The following MCM6 variants were observed in gnomAD, a reference collection of about 807,000 sequenced individuals.
MCM6 encodes minichromosome maintenance complex component 6.
A neutral mutation model predicts 94.3 loss-of-function variants in MCM6; 46 were observed. The ratio of observed to expected loss-of-function variants is 0.49; its 90% CI spans 0.39 to 0.62. MCM6 has a LOEUF of 0.62. Ranked by LOEUF, MCM6 falls within the 20% of genes least tolerant of loss-of-function variation. MCM6 has a pLI of 0.00. For synonymous variants in MCM6, 335 were observed against 351.9 expected (o/e 0.95, Z 0.54); for missense variants, 865 against 1,017.9 (o/e 0.85, Z 2.04).
rs1679945922 is a variant in MCM6 at position 135,859,326 on chromosome 2, G to C, written c.1337C>G (p.Ala446Gly). 1.2e-6 allele frequency: 2 copies of C among 1,613,726 alleles called. No individual in the cohort carries two copies. Among genetic ancestry groups the C allele is most frequent in the East Asian group, 4.5e-5 (2 of 44,872 alleles). ...DEESHEFVIE[A>G]GALMLADNGV... is the part of the protein sequence containing the mutation. ...ATTATCAGCCAACATCAAAGCTCCAGCCTCAATGACAAACTCATGAGATTC... is the reference window on the plus strand; with the variant it reads ...ATTATCAGCCAACATCAAAGCTCCACCCTCAATGACAAACTCATGAGATTC... Residue 446 changes from alanine to glycine, a missense_variant, in exon 9 of 17, where the codon GCT (alanine) becomes GGT (glycine). This residue lies in a region of MCM6 where 153 missense variants were observed against 241.5 expected (regional missense o/e 0.63). Transcript: ENST00000264156.
Position 135,840,116 on chromosome 2 carries a change from T to TA in MCM6, c.*718dup, listed in dbSNP as rs1319870656. 4.0e-5 allele frequency: 6 copies of TA among 150,484 alleles called. No individual in the cohort carries two copies. Among genetic ancestry groups the TA allele is most frequent in the Non-Finnish European group, 8.8e-5 (6 of 67,804 alleles). 9.3% of individuals were successfully genotyped at this position (150,484 alleles called of 1,614,324 possible). A position where few individuals can be genotyped will look rare whatever the true frequency, so the allele number is the denominator to read the frequency against. On this transcript the variant is annotated 3_prime_UTR_variant, in exon 17 of 17. Coordinates refer to ENST00000264156, the MANE Select transcript of MCM6 (RefSeq NM_005915.6). ...AATATAGCAAATGACCTATTTCCCC[T>TA]AAAAAAGCAATTTGAAAACAATCCT...
At chr2:135,846,636 C>T (rs1189161429) in intron 14 of MCM6, among the ~76,000 whole-genome samples, 6 of 152,100 alleles carry the variant, frequency 3.9e-5, no homozygotes, top group African/African-American at 1.4e-4. Context: ...GCCACCACAT[C>T]CAGCCTTAAC....
chr2:135,865,013 C>A lies in MCM6; in HGVS notation c.1078G>T (p.Gly360Cys). 1.4e-6 allele frequency: 2 copies of A among 1,403,462 alleles called. No individual in the cohort carries two copies. The highest frequency in any genetic ancestry group is 2.0e-5 in the South Asian group (1 of 51,268). The allele number at this position is 1,403,462 out of a possible 1,614,324, so 86.9% of individuals were successfully genotyped here. ...TGGTACAAATGGATGGAATTCTTAC[C>A]ATGTATAGTAGGGAACAGGCTGGTA... ...LCTSLFPTIH[G>C]NDEVKRGVLL... The change falls in exon 7 of 17, where the codon GGC (glycine) becomes TGC (cysteine). Residue 360 changes from glycine (G) to cysteine (C), a missense_variant and splice_region_variant. Gly to Cys is a radical substitution (Grantham distance 159, BLOSUM62 -3). This residue lies in a region of MCM6 where 404 missense variants were observed against 451.9 expected (regional missense o/e 0.89). Transcript: ENST00000264156.
At position 135,851,398 on chromosome 2, in the gene MCM6, A is replaced by G. The variant is rs772793168; in HGVS notation, c.1917+4T>C. ...CTCTCATCATATCAAAGTGACTCTG[A>G]TACCTCATCACAGCAGTGCATCCGA... is the stretch of plus-strand genomic sequence containing the variant. On this transcript the variant is annotated splice_donor_region_variant and intron_variant, in intron 13 of 16. Coordinates refer to ENST00000264156, the MANE Select transcript of MCM6 (RefSeq NM_005915.6). The G allele has an allele frequency of 1.9e-5, 30 of 1,610,324 alleles. No individual in the cohort carries two copies. The South Asian group carries it at 3.0e-4, about 16-fold the overall frequency.
intron 7 of MCM6, among the ~76,000 whole-genome samples, chr2:135,864,639 T>A (rs772729136): frequency 4.6e-5 from 7 of 152,240 alleles, no homozygotes; most frequent in Admixed American, 6.5e-5. Context: ...AAATACATAA[T>A]AAAACTTATC....
chr2:135,862,867 C>T, intron 7 of MCM6, 119 bp from the exon 8 acceptor site: 1 of 1,021,422 alleles, frequency 9.8e-7, no homozygotes, highest in Non-Finnish European at 1.4e-6. Flanking sequence ...TAAAGCAAAG[C>T]ATAAAACTGG....
At chr2:135,865,281 G>T in intron 6 of MCM6, 118 bp from the exon 7 acceptor site, 3 of 648,098 alleles carry the variant, frequency 4.6e-6, no homozygotes, top group Non-Finnish European at 6.9e-6. Context: ...ACAATTTATT[G>T]ACTGTAAAGG....
chr2:135,856,313 C>T (rs1679892291), intron 11 of MCM6, among the ~76,000 whole-genome samples: 1 of 152,094 alleles, frequency 6.6e-6, no homozygotes, highest in African/African-American at 2.4e-5. Context: ...CATGGTGTTA[C>T]ATGCCTGTAA....
In MCM6 at chr2:135,858,778, G is replaced by A. The variant is rs548507405; in HGVS notation, c.1362+523C>T. Among the ~76,000 whole-genome samples the A allele has an allele frequency of 5.3e-5, 8 of 152,238 alleles. No individual in the cohort carries two copies. In the South Asian group the frequency reaches 1.0e-3, roughly 20 times the overall value. The stretch of plus-strand genomic sequence containing the variant: ...CCTATAACTTATATACACATCTACC[G>A]ATCTAAACTAGTAACAGCAAACACA... On this transcript the variant is annotated intron_variant, in intron 9 of 16. Coordinates refer to ENST00000264156, the MANE Select transcript of MCM6 (RefSeq NM_005915.6).
chr2:135,870,254 T>G lies in MCM6; in HGVS notation c.362A>C (p.His121Pro). Residue 121 changes from histidine to proline, a missense_variant, in exon 3 of 17, where the codon CAC becomes CCC. By Grantham distance (77) the His-to-Pro change is moderately conservative (BLOSUM62 -2). This residue lies in a region of MCM6 where 404 missense variants were observed against 451.9 expected (regional missense o/e 0.89). Coordinates refer to ENST00000264156, the MANE Select transcript of MCM6 (RefSeq NM_005915.6). ...YVAFQDLPTR[H>P]KIRELTSSRI... ...TTTCCAGAGAAGGGTTTCTTACTTG[T>G]GTCTGGTAGGCAGGTCTTGGAATGC... 1 of 1,609,266 alleles carries G rather than the reference T, an allele frequency of 6.2e-7. No homozygotes were observed. Among genetic ancestry groups the G allele is most frequent in the Non-Finnish European group, 8.5e-7 (1 of 1,175,538 alleles).
chr2:135,856,741 T>C lies in MCM6; in HGVS notation c.1613A>G (p.Asp538Gly). 3 of 1,613,998 alleles carry C rather than the reference T, an allele frequency of 1.9e-6. No homozygotes were observed. The highest frequency in any genetic ancestry group is 2.5e-6 in the Non-Finnish European group (3 of 1,179,990). Reference sequence around the variant, plus strand: ...TCATGGGGTTACCTCATTACATTCATCCACAAGGATAAAGAAGAGATCGAA... The same window carrying C: ...TCATGGGGTTACCTCATTACATTCACCCACAAGGATAAAGAAGAGATCGAA... The part of the protein sequence containing the change: ...SRFDLFFILV[D>G]ECNEVTDYAI... The change falls in exon 11 of 17, where the codon GAT becomes GGT. Residue 538 changes from aspartate (D) to glycine (G), a missense_variant. By Grantham distance (94) the Asp-to-Gly change is moderately conservative. Coordinates refer to ENST00000264156, the MANE Select transcript of MCM6 (RefSeq NM_005915.6).
rs1558758399 is a variant in MCM6, at chr2:135,856,752, A to G, written c.1602T>C (p.Phe534=). The G allele has an allele frequency of 3.1e-6, 5 of 1,614,176 alleles. No individual in the cohort carries two copies. The highest frequency in any genetic ancestry group is 1.1e-5 in the South Asian group (1 of 91,070). The change falls in exon 11 of 17, where the codon TTT becomes TTC. Residue 534 remains phenylalanine, a synonymous_variant. Coordinates refer to ENST00000264156, the MANE Select transcript of MCM6 (RefSeq NM_005915.6). ...CCTCATTACATTCATCCACAAGGAT[A>G]AAGAAGAGATCGAATCGGGACATGA... is the stretch of plus-strand genomic sequence containing the variant. ...APIMSRFDLF[F]ILVDECNEVT... is the part of the protein sequence containing the mutation.
intron 8 of MCM6, 42 bp downstream of exon 8, chr2:135,862,565 T>A: frequency 6.2e-7 from 1 of 1,611,324 alleles, no homozygotes; most frequent in East Asian, 2.2e-5. Flanking sequence ...CTGGGAACTA[T>A]GTACACTTTT....
intron 12 of MCM6, 83 bp from the exon 13 acceptor site, chr2:135,851,646 G>A (rs1436661617): frequency 1.3e-5 from 16 of 1,247,614 alleles, no homozygotes; most frequent in African/African-American, 1.5e-5. Flanking sequence ...AGCCTTCCAG[G>A]TGGAAACATT....
rs1680180096 is a variant in MCM6 at position 135,870,484 on chromosome 2, C to T, written c.255-123G>A. 7 of 653,606 alleles carry T rather than the reference C, an allele frequency of 1.1e-5. No homozygotes were observed. In the South Asian group the frequency reaches 1.3e-4, roughly 12 times the overall value. 40.5% of individuals were successfully genotyped at this position (653,606 alleles called of 1,614,324 possible). ...GTTACAACTAAACCTTAGAACTTAA[C>T]TGTGTAGGACACTTCTATTATCTAC... On this transcript the variant is annotated intron_variant, in intron 2 of 16. Coordinates refer to ENST00000264156, the MANE Select transcript of MCM6 (RefSeq NM_005915.6).
rs193011727 is a variant in MCM6 at position 135,851,487 on chromosome 2, T to C, written c.1832A>G (p.Lys611Arg). The C allele has an allele frequency of 3.2e-5, 51 of 1,613,836 alleles. No homozygotes were observed. The highest frequency in any genetic ancestry group is 3.3e-4 in the Middle Eastern group (2 of 6,062). The stretch of plus-strand genomic sequence containing the variant: ...TCGCACTGTAATCCTCCATGAAGAC[T>C]TGGTCACTCCAGAACCATCTCTCTG... ...LRQRDGSGVT[K>R]SSWRITVRQL... Residue 611 changes from lysine (K) to arginine (R), a missense_variant, in exon 13 of 17, where the codon AAG becomes AGG. Lys to Arg is a conservative substitution (Grantham distance 26). Around this residue, in one of 3 missense-constraint regions of MCM6, gnomAD observed 308 missense variants for 324.5 expected, o/e 0.95. Coordinates refer to ENST00000264156, the MANE Select transcript of MCM6 (RefSeq NM_005915.6).
chr2:135,854,718 CAA>C (rs893531828), intron 11 of MCM6, among the ~76,000 whole-genome samples: 2 of 151,704 alleles, frequency 1.3e-5, no homozygotes, highest in East Asian at 1.9e-4. Context: ...ACAAAAAACT[CAA>C]AAGTCAGCCA....
chr2:135,851,540 G>A lies in MCM6; in HGVS notation c.1779C>T (p.Phe593=), dbSNP rs575319780. ...KPKISKESED[F]IVEQYKHLRQ... is the part of the protein sequence containing the mutation. Reference sequence around the variant, plus strand: ...GGAGATGTTTATATTGCTCCACAATGAAGTCCTCTGACTCTTTGGAAATCT... The same window carrying A: ...GGAGATGTTTATATTGCTCCACAATAAAGTCCTCTGACTCTTTGGAAATCT... Residue 593 remains phenylalanine (F), a synonymous_variant, in exon 13 of 17, where the codon TTC becomes TTT. Coordinates refer to ENST00000264156, the MANE Select transcript of MCM6 (RefSeq NM_005915.6). The A allele has an allele frequency of 6.2e-7, 1 of 1,609,668 alleles. No homozygotes were observed. The highest frequency in any genetic ancestry group is 1.7e-5 in the Admixed American group (1 of 59,804).
intron 7 of MCM6, among the ~76,000 whole-genome samples, chr2:135,863,736 C>CAAAACAAAACAAAACAA (rs1680036585): frequency 6.8e-6 from 1 of 147,014 alleles, no homozygotes. Context: ...CAAAACAAAA[C>CAAAACAAAACAAAACAA]AAAACAAAAC....
Sources: gnomAD v4.1 joint callset for allele counts (sites outside exome capture counted in the v4.1 genomes callset) on GRCh38, gnomAD v4.1.1 for gene constraint, gnomAD v4.1.1 regional missense constraint, MANE v1.5 for transcripts, NCBI Gene and HGNC (gene_info 2026-07-23, HGNC 2026-07-21) for gene names.